Variants in CWH43 observed in about 807,000 individuals in gnomAD.
The protein encoded by CWH43 is cell wall biogenesis 43 C-terminal homolog.
Under a neutral mutation model 85.7 loss-of-function variants are expected in CWH43, and 91 were observed. The observed-to-expected ratio is 1.06, with a 90% CI of 0.90 to 1.26. The LOEUF (loss-of-function observed/expected upper bound fraction) is 1.26, where lower values mean the gene tolerates loss of function less well. Ranked by LOEUF, CWH43 falls within the 50% of genes most tolerant of loss-of-function variation. CWH43 has a pLI of 0.00. For missense variants in CWH43, 869 were observed against 839.2 expected (o/e 1.04, Z -0.44); for synonymous variants, 323 against 293.6 (o/e 1.10, Z -1.02).
At chr4:49,004,120 ACT>A (rs1783080129) in intron 7 of CWH43, 128 bp downstream of exon 7, 4 of 814,264 alleles carry the variant, frequency 4.9e-6, no homozygotes, top group Non-Finnish European at 7.4e-6. Context: ...GGTAAAATAG[ACT>A]CTCTTGATTA....
intron 15 of CWH43, among the ~76,000 whole-genome samples, chr4:49,056,002 T>C (rs1784945000): frequency 6.7e-6 from 1 of 148,256 alleles, no homozygotes; most frequent in African/African-American, 2.5e-5. Flanking sequence ...GCCATGCTGG[T>C]GCGCTGCACC....
Position 49,032,660 on chromosome 4 carries a change from G to T in CWH43, c.1603G>T (p.Val535Phe). ...GEIAPAITLTVNISGKLVDFV... is the reference protein window; with the variant it reads ...GEIAPAITLTFNISGKLVDFV... ...GATCGCACCAGCCATCACATTGACC[G>T]TTAACATTTCGGGCAAGCTGGTGGA... is the stretch of plus-strand genomic sequence containing the variant. The change falls in exon 12 of 16, where the codon GTT (valine) becomes TTT (phenylalanine). Residue 535 changes from valine (V) to phenylalanine (F), a missense_variant. This residue lies in a region of CWH43 where 577 missense variants were observed against 513.1 expected (regional missense o/e 1.12). Transcript: ENST00000226432. The T allele has an allele frequency of 6.2e-7, 1 of 1,614,076 alleles. No homozygotes were observed. The highest frequency in any genetic ancestry group is 2.2e-5 in the East Asian group (1 of 44,886).
At chr4:49,061,405 T>A (rs1785153290) in intron 15 of CWH43, among the ~76,000 whole-genome samples, 1 of 152,358 alleles carries the variant, frequency 6.6e-6, no homozygotes, top group East Asian at 1.9e-4. Context: ...TAGTTATTCA[T>A]GTGCAAAGAG....
chr4:49,005,943 A>G (rs1461989535), intron 7 of CWH43, among the ~76,000 whole-genome samples: 1 of 152,208 alleles, frequency 6.6e-6, no homozygotes, highest in African/African-American at 2.4e-5. Flanking sequence ...TTTGAAAGAC[A>G]TATTTTAAAA....
chr4:49,032,532 A>G (rs1577691399), intron 11 of CWH43, 34 bp from the exon 12 acceptor site: 1 of 1,612,052 alleles, frequency 6.2e-7, no homozygotes, highest in Non-Finnish European at 8.5e-7. Flanking sequence ...TGGGACTGAC[A>G]ATGATGCCCA....
At chr4:49,039,666 G>C (rs1171673112) in intron 13 of CWH43, among the ~76,000 whole-genome samples, 3 of 151,472 alleles carry the variant, frequency 2.0e-5, no homozygotes, top group Non-Finnish European at 2.9e-5. Context: ...ACAGGTTAAA[G>C]AGCATGGCAT....
intron 8 of CWH43, among the ~76,000 whole-genome samples, chr4:49,011,970 G>A (rs1783376411): frequency 6.6e-6 from 1 of 152,094 alleles, no homozygotes. Flanking sequence ...CTCTTCTTGA[G>A]GAATATCTTT....
intron 9 of CWH43, among the ~76,000 whole-genome samples, chr4:49,017,636 G>T (rs537484595): frequency 6.6e-6 from 1 of 152,268 alleles, no homozygotes; most frequent in Admixed American, 6.5e-5. Flanking sequence ...CTGCCATAAA[G>T]AAATACTTGA....
chr4:49,007,045 C>A (rs1476682022), intron 7 of CWH43, 156 bp from the exon 8 acceptor site: 2 of 760,730 alleles, frequency 2.6e-6, no homozygotes, highest in Admixed American at 4.0e-5. Flanking sequence ...TTATCAAAAG[C>A]ACTACTAGAG....
intron 15 of CWH43, among the ~76,000 whole-genome samples, chr4:49,052,902 T>A (rs563961108): frequency 1.3e-5 from 2 of 152,350 alleles, no homozygotes; most frequent in South Asian, 4.1e-4. Flanking sequence ...TCATCCTGTC[T>A]AATTGAAACT....
intron 8 of CWH43, among the ~76,000 whole-genome samples, chr4:49,014,631 C>G (rs1369159443): frequency 6.6e-6 from 1 of 151,860 alleles, no homozygotes; most frequent in Non-Finnish European, 1.5e-5. Flanking sequence ...GTAAGAACCA[C>G]AATTCTTTAA....
intron 12 of CWH43, among the ~76,000 whole-genome samples, chr4:49,036,533 G>C (rs1784267359): frequency 6.6e-6 from 1 of 152,122 alleles, no homozygotes; most frequent in East Asian, 1.9e-4. Context: ...GGTTTCTCCA[G>C]TCTTCTCAGT....
chr4:49,013,241 T>A (rs1440079324), intron 8 of CWH43, among the ~76,000 whole-genome samples: 1 of 152,248 alleles, frequency 6.6e-6, no homozygotes, highest in East Asian at 1.9e-4. Context: ...TGGAGGTTGA[T>A]CTCAGACTGC....
chr4:49,052,094 C>A (rs1023319013), intron 15 of CWH43, among the ~76,000 whole-genome samples: 1 of 152,156 alleles, frequency 6.6e-6, no homozygotes, highest in Non-Finnish European at 1.5e-5. Context: ...TTTCTCCATT[C>A]TCTTTTTCTT....
intron 15 of CWH43, among the ~76,000 whole-genome samples, chr4:49,052,112 C>T (rs1784818654): frequency 6.6e-6 from 1 of 151,958 alleles, no homozygotes; most frequent in South Asian, 2.1e-4. Context: ...CTTCTTTGTC[C>T]CTCCTTACAA....
chr4:49,048,759 G>T (rs1784708855), intron 14 of CWH43, among the ~76,000 whole-genome samples: 1 of 152,072 alleles, frequency 6.6e-6, no homozygotes, highest in South Asian at 2.1e-4. Flanking sequence ...TAGAAGATAT[G>T]TCTCCAAATA....
At chr4:49,033,309 A>G (rs1157484727) in intron 12 of CWH43, among the ~76,000 whole-genome samples, 1 of 152,222 alleles carries the variant, frequency 6.6e-6, no homozygotes, top group African/African-American at 2.4e-5. Flanking sequence ...GGAGATCAAA[A>G]TATCACTTTG....
At chr4:49,057,939 G>T (rs1785018093) in intron 15 of CWH43, among the ~76,000 whole-genome samples, 1 of 152,022 alleles carries the variant, frequency 6.6e-6, no homozygotes, top group Non-Finnish European at 1.5e-5. Flanking sequence ...ATCTCTTTTG[G>T]TTATCATTTG....
At chr4:49,026,165 T>C (rs1487958206) in intron 9 of CWH43, among the ~76,000 whole-genome samples, 3 of 152,180 alleles carry the variant, frequency 2.0e-5, no homozygotes, top group African/African-American at 7.2e-5. Flanking sequence ...CCAGCTCTCA[T>C]GCAACCCACA....
Sources: gnomAD v4.1 joint callset for allele counts (sites outside exome capture counted in the v4.1 genomes callset) on GRCh38, gnomAD v4.1.1 for gene constraint, gnomAD v4.1.1 regional missense constraint, MANE v1.5 for transcripts, NCBI Gene and HGNC (gene_info 2026-07-23, HGNC 2026-07-21) for gene names.